Variants in EHD4 observed in about 807,000 individuals in gnomAD.
EHD4 encodes the protein EH domain containing 4, also known as EH domain-containing protein 4.
In EHD4, 37 loss-of-function variants were observed where a neutral mutation model predicts 51.0. The ratio of observed to expected loss-of-function variants is 0.73; its 90% CI spans 0.56 to 0.95. The LOEUF (loss-of-function observed/expected upper bound fraction) is 0.95, where lower values mean the gene tolerates loss of function less well. Among genes scored for constraint, EHD4 ranks in the 40% least tolerant of loss-of-function variants. The probability of loss-of-function intolerance (pLI) is 0.00; values close to 1 mark genes in which losing one functional copy is unlikely to be tolerated. For synonymous variants in EHD4, 297 were observed against 317.3 expected, an observed-to-expected ratio of 0.94 and a Z score of 0.68; for missense variants, 632 against 733.1, an observed-to-expected ratio of 0.86 and a Z score of 1.59.
At chr15:41,950,910 T>C (rs182351162) in intron 2 of EHD4, among the ~76,000 whole-genome samples, 100 of 152,340 alleles carry the variant, frequency 6.6e-4, no homozygotes, top group Middle Eastern at 3.4e-3. Flanking sequence ...GCCAAAAGAA[T>C]AATGTACATG....
intron 3 of EHD4, among the ~76,000 whole-genome samples, chr15:41,931,517 A>G (rs1439359994): frequency 6.6e-6 from 1 of 152,190 alleles, no homozygotes; most frequent in Non-Finnish European, 1.5e-5. Flanking sequence ...TCCTGTCTCA[A>G]AATAAAATAA....
At chr15:41,967,893 T>C (rs1033083490) in intron 1 of EHD4, among the ~76,000 whole-genome samples, 4 of 152,380 alleles carry the variant, frequency 2.6e-5, no homozygotes, top group African/African-American at 9.6e-5. Context: ...TTCATCCATG[T>C]GTCCGGCCAG....
At chr15:41,943,361 C>T (rs1443273997) in intron 2 of EHD4, among the ~76,000 whole-genome samples, 197 bp from the exon 3 acceptor site, 1 of 152,204 alleles carries the variant, frequency 6.6e-6, no homozygotes, top group Non-Finnish European at 1.5e-5. Context: ...CTCCATCCAG[C>T]CACAGAGAAC....
At chr15:41,943,698 T>C (rs1318145933) in intron 2 of EHD4, among the ~76,000 whole-genome samples, 2 of 152,186 alleles carry the variant, frequency 1.3e-5, no homozygotes, top group Non-Finnish European at 2.9e-5. Context: ...GGGAATCCCA[T>C]GCCTTCTTCA....
rs558623627 is a variant in EHD4, at chr15:41,936,825, G to A, written c.511+6242C>T. Among the ~76,000 whole-genome samples the A allele has an allele frequency of 4.6e-5, 7 of 152,304 alleles. No individual in the cohort carries two copies. In the East Asian group the frequency reaches 5.8e-4, roughly 13 times the overall value. Reference sequence around the variant, plus strand: ...GTGTGGAATTTCCCGTGGCACCAGCGGAAAAGGAGTCTGGATGCGTTTGTC... The same window carrying A: ...GTGTGGAATTTCCCGTGGCACCAGCAGAAAAGGAGTCTGGATGCGTTTGTC... On this transcript the variant is annotated intron_variant, in intron 3 of 5. Coordinates refer to ENST00000220325, the MANE Select transcript of EHD4 (RefSeq NM_139265.4).
At chr15:41,933,859 G>A (rs1159669640) in intron 3 of EHD4, among the ~76,000 whole-genome samples, 2 of 152,124 alleles carry the variant, frequency 1.3e-5, no homozygotes, top group Non-Finnish European at 2.9e-5. Context: ...GCTCCTGCAA[G>A]CAGTGAGACA....
chr15:41,909,473 A>G (rs1021371525), intron 5 of EHD4, among the ~76,000 whole-genome samples: 1 of 152,208 alleles, frequency 6.6e-6, no homozygotes, highest in African/African-American at 2.4e-5. Flanking sequence ...TGACTTTCTC[A>G]TGGGAGCTTC....
intron 5 of EHD4, among the ~76,000 whole-genome samples, chr15:41,906,083 T>C (rs1459276352): frequency 6.6e-6 from 1 of 152,188 alleles, no homozygotes; most frequent in Admixed American, 6.5e-5. Flanking sequence ...TGAAACCCTA[T>C]CTTCAAGCCA....
rs990298857 is a variant in EHD4, at chr15:41,942,897, G to C, written c.511+170C>G. On this transcript the variant is annotated intron_variant, in intron 3 of 5. Transcript: ENST00000220325. ...CTCACAGAATATAAGCCTCTGGAGG[G>C]GGCAGAGTCTTTGATGCTATGAACT... The C allele has an allele frequency of 8.6e-6, 5 of 583,972 alleles. No individual in the cohort carries two copies. In the Admixed American group the frequency reaches 1.1e-4, roughly 13 times the overall value. The allele number at this position is 583,972 out of a possible 1,614,324, so 36.2% of individuals were successfully genotyped here.
chr15:41,953,812 T>C lies in EHD4; in HGVS notation c.365A>G (p.Lys122Arg), dbSNP rs1017125979. 3.7e-6 allele frequency: 6 copies of C among 1,613,158 alleles called. No homozygotes were observed. The African/African-American group carries it at 8.0e-5, about 22-fold the overall frequency. ...TPGNALVVDP[K>R]KPFRKLSRFG... The stretch of plus-strand genomic sequence containing the variant: ...GCGACTGAGCTTTCTAAACGGCTTT[T>C]TGGGGTCCACGACTAAAGCATTCCC... Residue 122 changes from lysine (K) to arginine (R), a missense_variant, in exon 2 of 6, where the codon AAA becomes AGA. Transcript: ENST00000220325.
intron 1 of EHD4, among the ~76,000 whole-genome samples, chr15:41,965,717 G>A (rs1393000147): frequency 6.6e-6 from 1 of 152,182 alleles, no homozygotes; most frequent in East Asian, 1.9e-4. Context: ...TCTGGTTCGA[G>A]GTTTTGAAAA....
At chr15:41,965,463 G>T (rs1321816197) in intron 1 of EHD4, among the ~76,000 whole-genome samples, 4 of 152,218 alleles carry the variant, frequency 2.6e-5, no homozygotes, top group Admixed American at 2.6e-4. Context: ...TTTCTGGGTT[G>T]AGGCTAGCCC....
intron 1 of EHD4, among the ~76,000 whole-genome samples, chr15:41,964,661 G>A (rs2141010106): frequency 6.6e-6 from 1 of 151,618 alleles, no homozygotes; most frequent in East Asian, 1.9e-4. Context: ...GCAGTTTGGT[G>A]AATTACTGAT....
At chr15:41,921,801 T>C (rs2067627314) in intron 3 of EHD4, 1 of 152,218 alleles carries the variant, frequency 6.6e-6, no homozygotes, top group Admixed American at 6.5e-5. Context: ...TTATGGGTTG[T>C]GGAGGCTGAA....
At chr15:41,903,939 C>T (rs1178509284) in intron 5 of EHD4, among the ~76,000 whole-genome samples, 2 of 152,162 alleles carry the variant, frequency 1.3e-5, no homozygotes, top group African/African-American at 4.8e-5. Context: ...TCACTCCTGA[C>T]ATCAGCACCA....
intron 1 of EHD4, among the ~76,000 whole-genome samples, chr15:41,964,759 G>GA (rs199934344): frequency 5.9e-4 from 60 of 102,146 alleles, no homozygotes; most frequent in East Asian, 3.0e-3. Context: ...ATATAAGCCT[G>GA]AAAAAAAAAA....
chr15:41,915,096 A>G (rs2067575137), intron 4 of EHD4, among the ~76,000 whole-genome samples: 1 of 151,838 alleles, frequency 6.6e-6, no homozygotes, highest in Non-Finnish European at 1.5e-5. Context: ...ACACACACAC[A>G]CACACACACA....
intron 2 of EHD4, among the ~76,000 whole-genome samples, chr15:41,950,630 C>T (rs1036003518): frequency 6.6e-6 from 1 of 152,194 alleles, no homozygotes; most frequent in African/African-American, 2.4e-5. Context: ...GTGGATACTA[C>T]TTAATGAGGC....
intron 2 of EHD4, among the ~76,000 whole-genome samples, chr15:41,949,826 C>T (rs1376177787): frequency 6.6e-6 from 1 of 152,116 alleles, no homozygotes; most frequent in Non-Finnish European, 1.5e-5. Flanking sequence ...AATAACATAA[C>T]ATCTTATTCA....
Sources: allele counts gnomAD v4.1 joint callset (sites outside exome capture counted in the v4.1 genomes callset), GRCh38; gene constraint gnomAD v4.1.1; transcripts MANE v1.5; gene names NCBI Gene and HGNC (gene_info 2026-07-23, HGNC 2026-07-21).